ZNF558: variants seen among roughly 807,000 people sequenced by gnomAD.
ZNF558 encodes the protein zinc finger protein 558.
ZNF558 carries 23 observed loss-of-function variants against 37.6 expected under a neutral mutation model. The ratio of observed to expected loss-of-function variants is 0.61; its 90% CI spans 0.44 to 0.87. The LOEUF (loss-of-function observed/expected upper bound fraction) is 0.87, where lower values mean the gene tolerates loss of function less well. Among genes scored for constraint, ZNF558 ranks in the 40% least tolerant of loss-of-function variants. ZNF558 has a pLI of 0.00. For synonymous variants in ZNF558, 189 were observed against 174.4 expected (o/e 1.08, Z -0.66); for missense variants, 429 against 483.7 (o/e 0.89, Z 1.06).
rs1441664564 is a variant in ZNF558, at chr19:8,824,353, G to T, written c.-337C>A. On this transcript the variant is annotated 5_prime_UTR_variant, in exon 4 of 10. In the 5' UTR this introduces an upstream ATG that the reference lacks. Transcript: ENST00000601372. ...ACCCGTTGAGCCTTCAGATGATGCA[G>T]ACCCAGCTGACAGCCTTCTGCAAGT... 3 of 152,280 alleles carry T rather than the reference G, an allele frequency of 2.0e-5. No homozygotes were observed. The highest frequency in any genetic ancestry group is 7.2e-5 in the African/African-American group (3 of 41,454). The allele number at this position is 152,280 out of a possible 1,614,324, so 9.4% of individuals were successfully genotyped here. A position where few individuals can be genotyped will look rare whatever the true frequency, so the allele number is the denominator to read the frequency against.
At position 8,811,394 on chromosome 19, in the gene ZNF558, G is replaced by A; in HGVS notation, c.1096C>T (p.His366Tyr). Reference protein sequence around the residue: ...AFNNLSAVKKHLRTHTGEKPY... With the variant: ...AFNNLSAVKKYLRTHTGEKPY... ...TTTTCTCCAGTGTGAGTTCTTAAGT[G>A]TTTCTTCACAGCTGAGAGATTATTA... The change falls in exon 10 of 10, where the codon CAC becomes TAC. Residue 366 changes from histidine to tyrosine, a missense_variant. Transcript: ENST00000601372. 1 of 1,614,050 alleles carries A rather than the reference G, an allele frequency of 6.2e-7. No individual in the cohort carries two copies. Among genetic ancestry groups the A allele is most frequent in the Middle Eastern group, 1.6e-4 (1 of 6,062 alleles).
rs1429230356 is a variant in ZNF558 at position 8,810,337 on chromosome 19, C to T, written c.*944G>A. ...GTATTCCGCATTTCTGAGTGTTGTT[C>T]CATTGTGTGATTTCCAGTGCGTCTT... On this transcript the variant is annotated 3_prime_UTR_variant, in exon 10 of 10. Coordinates refer to ENST00000601372, the MANE Select transcript of ZNF558 (RefSeq NM_144693.3). 1 of 152,190 alleles carries T rather than the reference C, an allele frequency of 6.6e-6. No homozygotes were observed. Among genetic ancestry groups the T allele is most frequent in the African/African-American group, 2.4e-5 (1 of 41,438 alleles). The allele number at this position is 152,190 out of a possible 1,614,324, so 9.4% of individuals were successfully genotyped here. A position where few individuals can be genotyped will look rare whatever the true frequency, so the allele number is the denominator to read the frequency against.
chr19:8,822,673 C>A lies in ZNF558; in HGVS notation c.-14G>T. 6.2e-7 allele frequency: 1 copy of A among 1,614,088 alleles called. No homozygotes were observed. Among genetic ancestry groups the A allele is most frequent in the South Asian group, 1.1e-5 (1 of 91,082 alleles). On this transcript the variant is annotated 5_prime_UTR_variant, in exon 5 of 10. Transcript: ENST00000601372. The surrounding 1 kb of genome is among the most constrained non-coding windows in gnomAD (Gnocchi z 4.4). ...GACAGCCGCCATCCTGTGACTCCGA[C>A]AGCAACAGGGCAGCCGGGAAGCAGG...
chr19:8,821,424 G>A lies in ZNF558; in HGVS notation c.121-118C>T, dbSNP rs948974168. On this transcript the variant is annotated intron_variant, in intron 6 of 9. Coordinates refer to ENST00000601372, the MANE Select transcript of ZNF558 (RefSeq NM_144693.3). The stretch of plus-strand genomic sequence containing the variant: ...AAACCTGAGCACGAGATGTTGGGGG[G>A]GGTGGTTCTGAGCTCACCTCCCAGG... 45 of 1,587,132 alleles carry A rather than the reference G, an allele frequency of 2.8e-5. No homozygotes were observed. The East Asian group carries it at 3.8e-4, about 13-fold the overall frequency.
chr19:8,821,718 T>C (rs2044096811), intron 6 of ZNF558: 2 of 1,301,624 alleles, frequency 1.5e-6, no homozygotes, highest in African/African-American at 3.0e-5. Flanking sequence ...TGGCGTTTAT[T>C]AATTGCTTGG....
chr19:8,813,124 C>A lies in ZNF558; in HGVS notation c.343+3G>T. The A allele has an allele frequency of 6.3e-7, 1 of 1,579,446 alleles. No individual in the cohort carries two copies. The highest frequency in any genetic ancestry group is 1.8e-5 in the Admixed American group (1 of 54,514). Reference sequence around the variant, plus strand: ...CAAGGGCTCATATCCACCTGGTGCTCACCTGGACAGGTGCTTGGTAGAATT... The same window carrying A: ...CAAGGGCTCATATCCACCTGGTGCTAACCTGGACAGGTGCTTGGTAGAATT... On this transcript the variant is annotated splice_donor_region_variant and intron_variant, in intron 8 of 9. Transcript: ENST00000601372.
Position 8,822,624 on chromosome 19 carries a change from C to A in ZNF558, c.31+5G>T, listed in dbSNP as rs771842800. 1 of 1,614,116 alleles carries A rather than the reference C, an allele frequency of 6.2e-7. No homozygotes were observed. Among genetic ancestry groups the A allele is most frequent in the South Asian group, 1.1e-5 (1 of 91,084 alleles). The stretch of plus-strand genomic sequence containing the variant: ...TCTGAGAAATGTCAGGACCCCACGA[C>A]TCACCAGCAGTCGAGGGCAGGATGA... On this transcript the variant is annotated splice_donor_5th_base_variant and intron_variant, in intron 5 of 9. Transcript: ENST00000601372. The surrounding 1 kb of genome is among the most constrained non-coding windows in gnomAD (Gnocchi z 4.4).
At chr19:8,830,543 T>C (rs2044326554) in intron 2 of ZNF558, among the ~76,000 whole-genome samples, 1 of 152,184 alleles carries the variant, frequency 6.6e-6, no homozygotes, top group Non-Finnish European at 1.5e-5. Flanking sequence ...AAATCATCCT[T>C]TTTACAAATG....
At chr19:8,817,791 C>T (rs2967764) in intron 7 of ZNF558, among the ~76,000 whole-genome samples, 42,688 of 151,958 alleles carry the variant, frequency 0.28, 6,465 homozygotes, top group Middle Eastern at 0.39. Context: ...GAAAATGTAA[C>T]GATTATAAAC....
Position 8,822,195 on chromosome 19 carries a change from C to CTGTGTGGTGCCT in ZNF558, c.32-105_32-104insAGGCACCACACA. 7.4e-7 allele frequency: 1 copy of CTGTGTGGTGCCT among 1,354,502 alleles called. No homozygotes were observed. The highest frequency in any genetic ancestry group is 1.0e-6 in the Non-Finnish European group (1 of 967,932). The allele number at this position is 1,354,502 out of a possible 1,614,324, so 83.9% of individuals were successfully genotyped here. A position where few individuals can be genotyped will look rare whatever the true frequency, so the allele number is the denominator to read the frequency against. The stretch of plus-strand genomic sequence containing the variant: ...CTCCCACACCCACACGGATGAGGCA[C>CTGTGTGGTGCCT]CACACAGTGCCCACCTACGCTCCAT... On this transcript the variant is annotated intron_variant, in intron 5 of 9. Coordinates refer to ENST00000601372, the MANE Select transcript of ZNF558 (RefSeq NM_144693.3). The surrounding 1 kb of genome is among the most constrained non-coding windows in gnomAD (Gnocchi z 4.4).
rs1313028974 is a variant in ZNF558 at position 8,811,026 on chromosome 19, A to C, written c.*255T>G. On this transcript the variant is annotated 3_prime_UTR_variant, in exon 10 of 10. Coordinates refer to ENST00000601372, the MANE Select transcript of ZNF558 (RefSeq NM_144693.3). ...ATCAGTAAAGATGTTAGATGACTAT[A>C]GCTTTGGCTGACATCTTGATTGTAA... 1 of 402,416 alleles carries C rather than the reference A, an allele frequency of 2.5e-6. No individual in the cohort carries two copies. The highest frequency in any genetic ancestry group is 4.4e-6 in the Non-Finnish European group (1 of 224,832). 24.9% of individuals were successfully genotyped at this position (402,416 alleles called of 1,614,324 possible).
chr19:8,828,380 A>G (rs11085742), intron 2 of ZNF558, among the ~76,000 whole-genome samples: 40,198 of 152,118 alleles, frequency 0.26, 5,752 homozygotes, highest in African/African-American at 0.37. Context: ...TAAGCGGGAC[A>G]TGAAGGCTGA....
intron 7 of ZNF558, among the ~76,000 whole-genome samples, chr19:8,817,170 G>T (rs1030306034): frequency 6.6e-6 from 1 of 152,124 alleles, no homozygotes; most frequent in African/African-American, 2.4e-5. Flanking sequence ...GGCAGAAGTA[G>T]CTCCTTCCTT....
intron 7 of ZNF558, among the ~76,000 whole-genome samples, chr19:8,815,646 G>C (rs894718506): frequency 2.0e-5 from 3 of 152,078 alleles, no homozygotes; most frequent in Non-Finnish European, 4.4e-5. Flanking sequence ...GCTGGGCATG[G>C]TGATGCACGT....
rs1555768395 is a variant in ZNF558, at chr19:8,812,023, T to C, written c.467A>G (p.Gln156Arg). ...HRGVKLNECN[Q>R]CFKVFSTKSN... ...TTTCGTGCTGAAGACTTTAAAACAC[T>C]GATTACATTCATTGAGTTTCACTCC... The change falls in exon 10 of 10, where the codon CAG (glutamine) becomes CGG (arginine). Residue 156 changes from glutamine (Q) to arginine (R), a missense_variant. By Grantham distance (43) the Gln-to-Arg change is conservative. Coordinates refer to ENST00000601372, the MANE Select transcript of ZNF558 (RefSeq NM_144693.3). 1 of 1,607,890 alleles carries C rather than the reference T, an allele frequency of 6.2e-7. No homozygotes were observed. Among genetic ancestry groups the C allele is most frequent in the Admixed American group, 1.7e-5 (1 of 59,196 alleles).
At chr19:8,827,352 C>T (rs932079066) in intron 2 of ZNF558, among the ~76,000 whole-genome samples, 1 of 152,078 alleles carries the variant, frequency 6.6e-6, no homozygotes, top group Non-Finnish European at 1.5e-5. Flanking sequence ...GATTCCTAAA[C>T]TACCTCCAAA....
At chr19:8,837,705 G>A in the ZNF558 span, among the ~76,000 whole-genome samples, 1 of 152,158 alleles carries the variant, frequency 6.6e-6, no homozygotes, top group Non-Finnish European at 1.5e-5. Context: ...CCTGAGATCT[G>A]AGGATACTTT....
rs759437339 is a variant in ZNF558 at position 8,822,054 on chromosome 19, T to A, written c.69A>T (p.Gly23=). ...TAACCAGCTCTCCGCCCTGTGTGTG[T>A]CCTTTTTGCTGAGAGGCTGGGAACA... ...SSLFPASQQK[G]HTQGGELVNE... is the part of the protein sequence containing the mutation. The change falls in exon 6 of 10, where the codon GGA becomes GGT. Residue 23 remains glycine, a synonymous_variant. Transcript: ENST00000601372. The surrounding 1 kb of genome is among the most constrained non-coding windows in gnomAD (Gnocchi z 4.4). 6.2e-7 allele frequency: 1 copy of A among 1,614,056 alleles called. No individual in the cohort carries two copies. Among genetic ancestry groups the A allele is most frequent in the Non-Finnish European group, 8.5e-7 (1 of 1,179,962 alleles).
At chr19:8,821,545 T>C (rs898238481) in intron 6 of ZNF558, 2 of 1,422,436 alleles carry the variant, frequency 1.4e-6, no homozygotes, top group African/African-American at 2.9e-5. Flanking sequence ...CTTGTCTCCT[T>C]AGGCCATTCC....
Sources: gnomAD v4.1 joint callset for allele counts (sites outside exome capture counted in the v4.1 genomes callset) on GRCh38, gnomAD v4.1.1 for gene constraint, Gnocchi (gnomAD v3.1) non-coding constraint, MANE v1.5 for transcripts, NCBI Gene and HGNC (gene_info 2026-07-23, HGNC 2026-07-21) for gene names.